Variants in DYNC2H1 observed in about 807,000 individuals in gnomAD.
DYNC2H1 encodes the protein cytoplasmic dynein 2 heavy chain 1.
DYNC2H1 carries 410 observed loss-of-function variants against 570.0 expected under a neutral mutation model. The observed-to-expected ratio is 0.72, with a 90% CI of 0.66 to 0.78. The LOEUF (loss-of-function observed/expected upper bound fraction) is 0.78. Ranked by LOEUF, DYNC2H1 falls within the 30% of genes least tolerant of loss-of-function variation. The probability of loss-of-function intolerance (pLI) is 0.00; values close to 1 mark genes in which losing one functional copy is unlikely to be tolerated. For synonymous variants in DYNC2H1, 1,688 were observed against 1,677.6 expected, an observed-to-expected ratio of 1.01 and a Z score of -0.15; for missense variants, 4,865 against 5,046.4, an observed-to-expected ratio of 0.96 and a Z score of 1.09.
intron 82 of DYNC2H1, among the ~76,000 whole-genome samples, chr11:103,328,501 G>T (rs1938611359): frequency 6.6e-6 from 1 of 152,130 alleles, no homozygotes; most frequent in South Asian, 2.1e-4. Flanking sequence ...ACAAAAAGTA[G>T]ATTAGAAAAC....
chr11:103,274,653 GAC>G (rs978649169), intron 70 of DYNC2H1, among the ~76,000 whole-genome samples: 5 of 151,980 alleles, frequency 3.3e-5, no homozygotes, highest in African/African-American at 1.2e-4. Context: ...CTTCCCAAAA[GAC>G]ACACCTTGCT....
At chr11:103,180,527 T>G (rs1422599511) in intron 39 of DYNC2H1, among the ~76,000 whole-genome samples, 1 of 151,770 alleles carries the variant, frequency 6.6e-6, no homozygotes, top group Non-Finnish European at 1.5e-5. Flanking sequence ...TATGATTTCA[T>G]GTAAAATACA....
chr11:103,337,395 A>G (rs936266743), intron 82 of DYNC2H1, among the ~76,000 whole-genome samples: 4 of 152,118 alleles, frequency 2.6e-5, no homozygotes, highest in Non-Finnish European at 4.4e-5. Flanking sequence ...TAGGGTCTCT[A>G]TGACCAAGCT....
rs147066810 is a variant in DYNC2H1, at chr11:103,454,322, G to A, written c.12457-864G>A. ...CTGACATTACTATAGTACCATCTCT[G>A]TGCACCAGCTGAACTAATAGCTTAC... On this transcript the variant is annotated intron_variant, in intron 85 of 88. Coordinates refer to ENST00000375735, the MANE Select transcript of DYNC2H1 (RefSeq NM_001377.3). Among the ~76,000 whole-genome samples, 38 of 151,498 alleles carry A rather than the reference G, an allele frequency of 2.5e-4. No individual in the cohort carries two copies. In the East Asian group the frequency reaches 7.1e-3, roughly 28 times the overall value.
At chr11:103,281,700 A>G (rs1434775877) in intron 71 of DYNC2H1, among the ~76,000 whole-genome samples, 1 of 147,412 alleles carries the variant, frequency 6.8e-6, no homozygotes, top group East Asian at 2.0e-4. Flanking sequence ...ACACTTGATT[A>G]ATCTTAATTC....
intron 82 of DYNC2H1, among the ~76,000 whole-genome samples, chr11:103,337,337 T>G (rs939048837): frequency 1.3e-5 from 2 of 152,170 alleles, no homozygotes; most frequent in Admixed American, 1.3e-4. Context: ...CTACTCCACA[T>G]GCCATATTTC....
In DYNC2H1 at chr11:103,241,705, T is replaced by C. The variant is rs1302323269; in HGVS notation, c.9820-1988T>C. Among the ~76,000 whole-genome samples the C allele has an allele frequency of 6.6e-6, 1 of 152,152 alleles. No individual in the cohort carries two copies. Among genetic ancestry groups the C allele is most frequent in the Non-Finnish European group, 1.5e-5 (1 of 68,030 alleles). On this transcript the variant is annotated intron_variant, in intron 63 of 88. Coordinates refer to ENST00000375735, the MANE Select transcript of DYNC2H1 (RefSeq NM_001377.3). This position sits in a 1 kb window ranked among gnomAD's most constrained non-coding sequence, Gnocchi z 5.1. ...ACAGGCTATTTACTAACCACATCAT[T>C]GTGCTTCGAGTAGTACATTTACGTG...
At chr11:103,235,486 T>C (rs1190137752) in intron 61 of DYNC2H1, among the ~76,000 whole-genome samples, 186 bp from the exon 62 acceptor site, 1 of 151,998 alleles carries the variant, frequency 6.6e-6, no homozygotes, top group East Asian at 1.9e-4. Context: ...TAGGATTTTA[T>C]ACTTTTAAAA....
intron 70 of DYNC2H1, among the ~76,000 whole-genome samples, chr11:103,263,255 T>C (rs12280750): frequency 4.6e-5 from 7 of 151,794 alleles, no homozygotes; most frequent in Non-Finnish European, 5.9e-5. Context: ...TGTAGTAATA[T>C]TGAGAGAGTT....
intron 55 of DYNC2H1, among the ~76,000 whole-genome samples, chr11:103,219,447 A>G (rs1863504830): frequency 6.6e-6 from 1 of 152,134 alleles, no homozygotes; most frequent in Non-Finnish European, 1.5e-5. Context: ...CCCCGTCTCT[A>G]CTAAAACTAT....
intron 59 of DYNC2H1, among the ~76,000 whole-genome samples, chr11:103,227,457 C>T (rs1163885875): frequency 2.0e-5 from 3 of 152,140 alleles, no homozygotes; most frequent in African/African-American, 7.2e-5. Context: ...CATTCAGGAG[C>T]AGGTTATTTA....
chr11:103,117,982 G>A, intron 6 of DYNC2H1, 119 bp downstream of exon 6: 1 of 819,010 alleles, frequency 1.2e-6, no homozygotes, highest in Non-Finnish European at 1.7e-6. Context: ...TTTTGTGAGA[G>A]AATAGGAATT....
intron 84 of DYNC2H1, among the ~76,000 whole-genome samples, chr11:103,432,707 AC>A (rs1392364158): frequency 6.6e-6 from 1 of 152,122 alleles, no homozygotes; most frequent in Non-Finnish European, 1.5e-5. Flanking sequence ...TAACATAACT[AC>A]ATTTATTTAA....
chr11:103,233,846 G>A (rs932641236), intron 60 of DYNC2H1, among the ~76,000 whole-genome samples, 188 bp from the exon 61 acceptor site: 19 of 93,612 alleles, frequency 2.0e-4, no homozygotes, highest in African/African-American at 5.5e-4. Context: ...GTGTGTGTGT[G>A]TGTGTGTGTG....
chr11:103,348,431 T>G (rs1939866158), intron 82 of DYNC2H1, among the ~76,000 whole-genome samples: 1 of 152,150 alleles, frequency 6.6e-6, no homozygotes, highest in African/African-American at 2.4e-5. Context: ...CCCAAAAGTT[T>G]TCTCTCAGCA....
intron 85 of DYNC2H1, among the ~76,000 whole-genome samples, chr11:103,442,969 C>CTTTTTT (rs5794237): frequency 1.3e-4 from 19 of 143,072 alleles, no homozygotes; most frequent in African/African-American, 4.3e-4. Context: ...TTTATGAGCC[C>CTTTTTT]TTTTTTTTTT....
intron 13 of DYNC2H1, among the ~76,000 whole-genome samples, chr11:103,130,916 G>A (rs1859235520): frequency 6.6e-6 from 1 of 152,128 alleles, no homozygotes; most frequent in Admixed American, 6.6e-5. Context: ...GGTTCTGTAT[G>A]ATGCTCTACT....
intron 79 of DYNC2H1, among the ~76,000 whole-genome samples, chr11:103,316,025 C>T (rs1424177095): frequency 3.9e-5 from 6 of 152,084 alleles, no homozygotes; most frequent in Middle Eastern, 3.4e-3. Flanking sequence ...TTATTGTCTA[C>T]ACAATATAGA....
chr11:103,341,928 T>A (rs1939460098), intron 82 of DYNC2H1, among the ~76,000 whole-genome samples: 2 of 152,176 alleles, frequency 1.3e-5, no homozygotes, highest in African/African-American at 4.8e-5. Context: ...TTCAGTTCTT[T>A]GAAACATTTT....
Sources: allele counts gnomAD v4.1 joint callset (sites outside exome capture counted in the v4.1 genomes callset), GRCh38; gene constraint gnomAD v4.1.1; non-coding constraint Gnocchi (gnomAD v3.1); transcripts MANE v1.5; gene names NCBI Gene and HGNC (gene_info 2026-07-23, HGNC 2026-07-21).